Variants in ERV3-1 observed in about 807,000 individuals in gnomAD.
ERV3-1 encodes endogenous retrovirus group 3 member 1, envelope.
Under a neutral mutation model 24.6 loss-of-function variants are expected in ERV3-1, and 36 were observed. The observed-to-expected ratio is 1.47, with a 90% CI of 1.12 to 1.94. The LOEUF is 1.94. Among genes scored for constraint, ERV3-1 ranks in the 30% most tolerant of loss-of-function variants. The probability of loss-of-function intolerance (pLI) is 0.00; values close to 1 mark genes in which losing one functional copy is unlikely to be tolerated. For missense variants in ERV3-1, 578 were observed against 330.9 expected, an observed-to-expected ratio of 1.75 and a Z score of -5.79; for synonymous variants, 211 against 122.6, an observed-to-expected ratio of 1.72 and a Z score of -4.76.
In ERV3-1 at chr7:64,991,574, G is replaced by A. The variant is rs368241811; in HGVS notation, c.1453C>T (p.Pro485Ser). ...CCATAATATTGAATTATTCTTTCAGGAGGCCATTCATTGTCCTTCCAATCT... is the reference window on the plus strand; with the variant it reads ...CCATAATATTGAATTATTCTTTCAGAAGGCCATTCATTGTCCTTCCAATCT... ...IGDWKDNEWP[P>S]ERIIQYYGPA... Residue 485 changes from proline (P) to serine (S), a missense_variant, in exon 2 of 2, where the codon CCT becomes TCT. Coordinates refer to ENST00000394323, the MANE Select transcript of ERV3-1 (RefSeq NM_001007253.4). 1.9e-4 allele frequency: 134 copies of A among 704,056 alleles called. No individual in the cohort carries two copies. The African/African-American group carries it at 2.2e-3, about 12-fold the overall frequency. The allele number at this position is 704,056 out of a possible 1,614,324, so 43.6% of individuals were successfully genotyped here.
At position 64,991,460 on chromosome 7, in the gene ERV3-1, C is replaced by G. The variant is rs1345856925; in HGVS notation, c.1567G>C (p.Glu523Gln). 1 of 704,072 alleles carries G rather than the reference C, an allele frequency of 1.4e-6. No homozygotes were observed. The highest frequency in any genetic ancestry group is 2.0e-5 in the Admixed American group (1 of 50,002). The allele number at this position is 704,072 out of a possible 1,614,324, so 43.6% of individuals were successfully genotyped here. A position where few individuals can be genotyped will look rare whatever the true frequency, so the allele number is the denominator to read the frequency against. Residue 523 changes from glutamate (E) to glutamine (Q), a missense_variant, in exon 2 of 2, where the codon GAA becomes CAA. Physicochemically the swap from Glu to Gln is conservative, Grantham distance 29. Transcript: ENST00000394323. ...CCTGCAGTTTCATTGGTAATGATTT[C>G]TAGTACTGCCTGCAATCTTATAATG... ...NRIIRLQAVL[E>Q]IITNETAGAL...
intron 1 of ERV3-1, among the ~76,000 whole-genome samples, chr7:65,005,761 ATAAT>A (rs1297741505): frequency 1.3e-5 from 2 of 152,216 alleles, no homozygotes; most frequent in East Asian, 3.9e-4. Context: ...GAGTGTGAAA[ATAAT>A]TAAGTGGCAG....
chr7:64,994,404 G>GT (rs1277216796), intron 1 of ERV3-1, among the ~76,000 whole-genome samples: 4 of 152,134 alleles, frequency 2.6e-5, no homozygotes, highest in Non-Finnish European at 1.5e-5. Flanking sequence ...ATATTTTCCA[G>GT]TTTTTTGGGC....
At chr7:64,994,333 G>A (rs1786355531) in intron 1 of ERV3-1, among the ~76,000 whole-genome samples, 1 of 152,048 alleles carries the variant, frequency 6.6e-6, no homozygotes, top group Non-Finnish European at 1.5e-5. Flanking sequence ...ACAAATTTGG[G>A]GGCCACCATT....
chr7:64,997,314 C>T (rs1223164219), intron 1 of ERV3-1, among the ~76,000 whole-genome samples: 1 of 152,198 alleles, frequency 6.6e-6, no homozygotes, highest in Admixed American at 6.5e-5. Flanking sequence ...CCGTGAAACA[C>T]TCTAGCTTTT....
chr7:65,006,246 G>A (rs3829812), intron 1 of ERV3-1: 21,673 of 487,026 alleles, frequency 0.045, 801 homozygotes, highest in East Asian at 0.16. Context: ...CCGTCCAGTG[G>A]TCCCTGCACA....
chr7:64,999,365 G>A (rs1379789223), intron 1 of ERV3-1, among the ~76,000 whole-genome samples: 2 of 152,222 alleles, frequency 1.3e-5, no homozygotes, highest in Non-Finnish European at 2.9e-5. Context: ...TCAGGAGGCT[G>A]GAGAGACCAC....
intron 1 of ERV3-1, chr7:65,005,315 T>A (rs1284042205): frequency 6.6e-6 from 1 of 152,172 alleles, no homozygotes; most frequent in Non-Finnish European, 1.5e-5. Flanking sequence ...CACATTACCT[T>A]ATAAAGTTTC....
rs1786288561 is a variant in ERV3-1, at chr7:64,992,258, A to G, written c.769T>C (p.Phe257Leu). 4 of 766,378 alleles carry G rather than the reference A, an allele frequency of 5.2e-6. No homozygotes were observed. The highest frequency in any genetic ancestry group is 9.6e-6 in the Non-Finnish European group (4 of 417,904). 47.5% of individuals were successfully genotyped at this position (766,378 alleles called of 1,614,324 possible). ...AATTTCTGGTTAACATGCTCATAGA[A>G]TGACTCAAAAACTCGGAACTGTTGG... ...STQQFRVFES[F>L]YEHVNQKLPE... Residue 257 changes from phenylalanine (F) to leucine (L), a missense_variant, in exon 2 of 2, where the codon TTC (phenylalanine) becomes CTC (leucine). Transcript: ENST00000394323.
At position 65,006,655 on chromosome 7, in the gene ERV3-1, A is replaced by G; in HGVS notation, c.-503T>C. The G allele has an allele frequency of 2.0e-6, 3 of 1,516,852 alleles. No individual in the cohort carries two copies. Among genetic ancestry groups the G allele is most frequent in the Non-Finnish European group, 2.7e-6 (3 of 1,095,550 alleles). The allele number at this position is 1,516,852 out of a possible 1,614,324, so 94.0% of individuals were successfully genotyped here. On this transcript the variant is annotated 5_prime_UTR_variant, in exon 1 of 2. Coordinates refer to ENST00000394323, the MANE Select transcript of ERV3-1 (RefSeq NM_001007253.4). ...GAGCAGAAGACACAGAGCAGTGAAGACTACACCAGAAGCTCCGGCTGCCGC... is the reference window on the plus strand; with the variant it reads ...GAGCAGAAGACACAGAGCAGTGAAGGCTACACCAGAAGCTCCGGCTGCCGC...
Position 64,992,200 on chromosome 7 carries a change from A to G in ERV3-1, c.827T>C (p.Phe276Ser), listed in dbSNP as rs764801792. Residue 276 changes from phenylalanine to serine, a missense_variant, in exon 2 of 2, where the codon TTC (phenylalanine) becomes TCC (serine). Coordinates refer to ENST00000394323, the MANE Select transcript of ERV3-1 (RefSeq NM_001007253.4). Reference sequence around the variant, plus strand: ...GGCTATGTTTTCAGCCAGTTGGGCGAATAAATTACTGGCCAAGGGAGGGGG... The same window carrying G: ...GGCTATGTTTTCAGCCAGTTGGGCGGATAAATTACTGGCCAAGGGAGGGGG... ...PEPPPLASNL[F>S]AQLAENIASS... The G allele has an allele frequency of 1.3e-6, 1 of 766,414 alleles. No individual in the cohort carries two copies. The highest frequency in any genetic ancestry group is 1.3e-5 in the South Asian group (1 of 74,622). 47.5% of individuals were successfully genotyped at this position (766,414 alleles called of 1,614,324 possible). A position where few individuals can be genotyped will look rare whatever the true frequency, so the allele number is the denominator to read the frequency against.
rs1378263429 is a variant in ERV3-1, at chr7:64,993,233, C to T, written c.-207G>A. ...GGCTGTTGTCTCCTCAAGCTTCAGC[C>T]GTGTGTGGACTGGTCAGCTTCCGGA... On this transcript the variant is annotated 5_prime_UTR_variant, in exon 2 of 2. Transcript: ENST00000394323. 60 of 564,534 alleles carry T rather than the reference C, an allele frequency of 1.1e-4. No individual in the cohort carries two copies. Among genetic ancestry groups the T allele is most frequent in the East Asian group, 8.7e-4 (30 of 34,578 alleles). The allele number at this position is 564,534 out of a possible 1,614,324, so 35.0% of individuals were successfully genotyped here.
intron 1 of ERV3-1, chr7:65,004,629 A>T (rs2129124931): frequency 6.6e-6 from 1 of 152,322 alleles, no homozygotes; most frequent in African/African-American, 2.4e-5. Context: ...AAATAAGTGA[A>T]CAAACCTTTT....
rs759294018 is a variant in ERV3-1 at position 64,992,299 on chromosome 7, G to A, written c.728C>T (p.Thr243Ile). The change falls in exon 2 of 2, where the codon ACT (threonine) becomes ATT (isoleucine). Residue 243 changes from threonine (T) to isoleucine (I), a missense_variant. By Grantham distance (89) the Thr-to-Ile change is moderately conservative. Coordinates refer to ENST00000394323, the MANE Select transcript of ERV3-1 (RefSeq NM_001007253.4). Reference protein sequence around the residue: ...AYVYLYIIKKTRTRSTQQFRV... With the variant: ...AYVYLYIIKKIRTRSTQQFRV... ...GAACTGTTGGGTTGAGCGGGTCCGA[G>A]TTTTCTTTATGATATATAGATAGAC... 10 of 766,132 alleles carry A rather than the reference G, an allele frequency of 1.3e-5. No individual in the cohort carries two copies. Among genetic ancestry groups the A allele is most frequent in the Admixed American group, 8.5e-5 (5 of 58,966 alleles). 47.5% of individuals were successfully genotyped at this position (766,132 alleles called of 1,614,324 possible). A position where few individuals can be genotyped will look rare whatever the true frequency, so the allele number is the denominator to read the frequency against.
At position 64,992,637 on chromosome 7, in the gene ERV3-1, G is replaced by C. The variant is rs748105577; in HGVS notation, c.390C>G (p.Gly130=). The part of the protein sequence containing the change: ...YFDVCQIVSM[G]SLFPVIFSSM... ...AACTGAAGATTACGGGAAAGAGTGA[G>C]CCCATGGATACTATCTGGCAAACAT... Residue 130 remains glycine (G), a synonymous_variant, in exon 2 of 2, where the codon GGC becomes GGG. Transcript: ENST00000394323. 31 of 765,970 alleles carry C rather than the reference G, an allele frequency of 4.0e-5. No homozygotes were observed. Among genetic ancestry groups the C allele is most frequent in the Non-Finnish European group, 5.5e-5 (23 of 417,820 alleles). The allele number at this position is 765,970 out of a possible 1,614,324, so 47.4% of individuals were successfully genotyped here.
intron 1 of ERV3-1, among the ~76,000 whole-genome samples, chr7:64,999,077 T>A (rs1476177334): frequency 6.6e-6 from 1 of 152,170 alleles, no homozygotes; most frequent in Non-Finnish European, 1.5e-5. Flanking sequence ...CAGGCTCCCC[T>A]TCCATCCTTA....
chr7:65,005,480 T>C (rs1373018187), intron 1 of ERV3-1, among the ~76,000 whole-genome samples: 2 of 152,116 alleles, frequency 1.3e-5, no homozygotes, highest in Non-Finnish European at 2.9e-5. Context: ...AGAAAACAAA[T>C]CTTTTTTAAA....
chr7:64,999,626 G>A (rs1373449267), intron 1 of ERV3-1, among the ~76,000 whole-genome samples: 1 of 152,212 alleles, frequency 6.6e-6, no homozygotes, highest in African/African-American at 2.4e-5. Flanking sequence ...AGCATGTCTT[G>A]TGACCTTGCC....
rs181964536 is a variant in ERV3-1 at position 64,995,043 on chromosome 7, T to C, written c.-388-1629A>G. Among the ~76,000 whole-genome samples, 53 of 152,380 alleles carry C rather than the reference T, an allele frequency of 3.5e-4. 1 individual carries two copies. Among genetic ancestry groups the C allele is most frequent in the Admixed American group, 1.8e-3 (27 of 15,306 alleles). On this transcript the variant is annotated intron_variant, in intron 1 of 1. Coordinates refer to ENST00000394323, the MANE Select transcript of ERV3-1 (RefSeq NM_001007253.4). ...CACGGAAGGTGATTCCCGGTTTGACTGGGAGCAGGGTAGCTGGGTTAAGGG... is the reference window on the plus strand; with the variant it reads ...CACGGAAGGTGATTCCCGGTTTGACCGGGAGCAGGGTAGCTGGGTTAAGGG...
Sources: gnomAD v4.1 joint callset for allele counts (sites outside exome capture counted in the v4.1 genomes callset) on GRCh38, gnomAD v4.1.1 for gene constraint, MANE v1.5 for transcripts, NCBI Gene and HGNC (gene_info 2026-07-23, HGNC 2026-07-21) for gene names.